The following RARB variants were observed in gnomAD, a reference collection of about 807,000 sequenced individuals.
The protein encoded by RARB is HBV-activated protein.
Under a neutral mutation model 51.9 loss-of-function variants are expected in RARB, and 17 were observed. The observed-to-expected ratio is 0.33, with a 90% confidence interval of 0.22 to 0.49. The LOEUF is 0.49. Among genes scored for constraint, RARB ranks in the 20% least tolerant of loss-of-function variants. The pLI is 0.99. For missense variants in RARB, 369 were observed against 550.8 expected (o/e 0.67, Z 3.30); for synonymous variants, 215 against 195.4 (o/e 1.10, Z -0.84).
At chr3:25,037,657 C>CT (rs1452589103) in intron 2 of RARB, among the ~76,000 whole-genome samples, 1 of 151,978 alleles carries the variant, frequency 6.6e-6, no homozygotes, top group African/African-American at 2.4e-5. Flanking sequence ...CTACCAAGGG[C>CT]TAGGGGAGAG....
intron 2 of RARB, among the ~76,000 whole-genome samples, chr3:25,055,125 G>A (rs550175535): frequency 7.2e-5 from 11 of 152,210 alleles, no homozygotes; most frequent in African/African-American, 2.4e-4. Flanking sequence ...ATTCTCAAGA[G>A]TAACAAATTA....
intron 4 of RARB, among the ~76,000 whole-genome samples, chr3:25,137,711 T>C (rs1486831344): frequency 1.3e-5 from 2 of 152,104 alleles, no homozygotes; most frequent in African/African-American, 4.8e-5. Flanking sequence ...ACTTTGTTTA[T>C]TGTCATTTAA....
chr3:25,451,058 G>A (rs1709173146), intron 1 of RARB, among the ~76,000 whole-genome samples: 1 of 152,172 alleles, frequency 6.6e-6, no homozygotes, highest in Non-Finnish European at 1.5e-5. Flanking sequence ...TGGCATGGCT[G>A]CCCATGCCAG....
rs544136775 is a variant in RARB at position 24,850,671 on chromosome 3, A to G, written c.-458-8003A>G. ...TTACTCCTGATGGGGCAGGTTTTCA[A>G]GTGGGTAATGTGAGGTTCTGGGTCT... is the stretch of plus-strand genomic sequence containing the variant. On this transcript the variant is annotated intron_variant, in intron 1 of 11. Coordinates refer to the RARB transcript ENST00000383772. 8.5e-4 allele frequency among the ~76,000 whole-genome samples: 130 copies of G among 152,286 alleles called. No homozygotes were observed. In the South Asian group the frequency reaches 0.019, roughly 22 times the overall value.
intron 5 of RARB, among the ~76,000 whole-genome samples, chr3:25,245,678 A>C (rs1336999033): frequency 6.6e-6 from 1 of 152,236 alleles, no homozygotes; most frequent in East Asian, 1.9e-4. Flanking sequence ...ATCTGCTGTT[A>C]GTCTGATAGG....
At chr3:25,407,056 C>T (rs550243664) in intron 5 of RARB, among the ~76,000 whole-genome samples, 4 of 152,300 alleles carry the variant, frequency 2.6e-5, no homozygotes, top group Admixed American at 6.5e-5. Context: ...TTTTTACCAC[C>T]CACAAATTTT....
At chr3:25,422,749 T>A (rs1007962176) in intron 5 of RARB, among the ~76,000 whole-genome samples, 1 of 151,952 alleles carries the variant, frequency 6.6e-6, no homozygotes, top group African/African-American at 2.4e-5. Flanking sequence ...CTTCATGAGA[T>A]ACACAAGTTG....
Position 25,100,484 on chromosome 3 carries a change from T to C in RARB, c.-327-31677T>C, listed in dbSNP as rs371742645. Among the ~76,000 whole-genome samples the C allele has an allele frequency of 1.8e-3, 270 of 152,280 alleles. 5 individuals carry two copies. The highest frequency in any genetic ancestry group is 6.3e-3 in the African/African-American group (260 of 41,570). On this transcript the variant is annotated intron_variant, in intron 3 of 11. Transcript: ENST00000383772. ...GGCTTAGGAAAAGCAGAGAAGACTT[T>C]AAGCTCAGAATAATAGAGCCTGAAG...
intron 3 of RARB, among the ~76,000 whole-genome samples, chr3:25,506,442 C>T (rs967656203): frequency 6.6e-6 from 1 of 151,802 alleles, no homozygotes; most frequent in Admixed American, 6.6e-5. Flanking sequence ...CCCAACTCTA[C>T]AAAATTTTTT....
intron 1 of RARB, among the ~76,000 whole-genome samples, chr3:24,854,501 C>A (rs1445240582): frequency 6.6e-6 from 1 of 152,098 alleles, no homozygotes; most frequent in African/African-American, 2.4e-5. Context: ...GGCCCTGGAC[C>A]AATAGCATTT....
chr3:24,890,935 T>C (rs1249915475), intron 2 of RARB, among the ~76,000 whole-genome samples: 1 of 152,142 alleles, frequency 6.6e-6, no homozygotes, highest in African/African-American at 2.4e-5. Flanking sequence ...TTTCTTCTCC[T>C]GCAAAATGGG....
chr3:25,122,415 T>A (rs561356339), intron 3 of RARB, among the ~76,000 whole-genome samples: 16 of 152,202 alleles, frequency 1.1e-4, no homozygotes, highest in South Asian at 2.1e-4. Context: ...TAGCTATTTC[T>A]TTTGGCCTAG....
At chr3:25,540,594 T>C (rs1363481387) in intron 3 of RARB, among the ~76,000 whole-genome samples, 2 of 152,302 alleles carry the variant, frequency 1.3e-5, no homozygotes, top group East Asian at 3.9e-4. Context: ...GCATATCTGA[T>C]TGTACCCAGC....
intron 2 of RARB, among the ~76,000 whole-genome samples, chr3:25,056,253 C>G (rs567244334): frequency 1.3e-5 from 2 of 152,012 alleles, no homozygotes; most frequent in East Asian, 3.9e-4. Context: ...AAACAGATAA[C>G]CTTAGTGAGA....
intron 5 of RARB, among the ~76,000 whole-genome samples, chr3:25,267,185 A>T (rs56399652): frequency 0.11 from 16,209 of 152,312 alleles, 1,111 homozygotes; most frequent in Non-Finnish European, 0.16. Context: ...CTGAAGACAG[A>T]AGACTAAGTG....
At chr3:25,546,046 G>A (rs971937008) in intron 3 of RARB, among the ~76,000 whole-genome samples, 3 of 151,840 alleles carry the variant, frequency 2.0e-5, no homozygotes, top group Non-Finnish European at 2.9e-5. Flanking sequence ...TCTGGGAGGG[G>A]AGAAGGGGAG....
At chr3:24,876,236 C>T (rs984121951) in intron 2 of RARB, among the ~76,000 whole-genome samples, 1 of 152,122 alleles carries the variant, frequency 6.6e-6, no homozygotes, top group Non-Finnish European at 1.5e-5. Flanking sequence ...AACTTTGAGA[C>T]TATGTAAATA....
At chr3:25,380,697 A>C (rs1406912400) in intron 5 of RARB, among the ~76,000 whole-genome samples, 1 of 152,226 alleles carries the variant, frequency 6.6e-6, no homozygotes, top group African/African-American at 2.4e-5. Flanking sequence ...AAGATGAAGA[A>C]GAATGTTGAT....
At chr3:25,132,091 T>TA (rs1330919344) in intron 3 of RARB, among the ~76,000 whole-genome samples, 1 of 151,864 alleles carries the variant, frequency 6.6e-6, no homozygotes, top group East Asian at 1.9e-4. Flanking sequence ...CACCATATTG[T>TA]AAAAAAGTTT....
Sources: gnomAD v4.1 joint callset for allele counts (sites outside exome capture counted in the v4.1 genomes callset) on GRCh38, gnomAD v4.1.1 for gene constraint, MANE v1.5 for transcripts, NCBI Gene and HGNC (gene_info 2026-07-23, HGNC 2026-07-21) for gene names.